LARS2: variants seen among roughly 807,000 people sequenced by gnomAD.
LARS2 encodes leucine--tRNA ligase, mitochondrial.
A neutral mutation model predicts 116.6 loss-of-function variants in LARS2; 81 were observed. That is an observed-to-expected ratio of 0.69 (90% CI 0.58 to 0.84). The LOEUF (loss-of-function observed/expected upper bound fraction) is 0.84. Ranked by LOEUF, LARS2 falls within the 40% of genes least tolerant of loss-of-function variation. The pLI is 0.00. For missense variants in LARS2, 968 were observed against 1,114.5 expected, an observed-to-expected ratio of 0.87 and a Z score of 1.87; for synonymous variants, 396 against 407.2, an observed-to-expected ratio of 0.97 and a Z score of 0.33.
chr3:45,404,488 T>C (rs770183486), intron 4 of LARS2, among the ~76,000 whole-genome samples: 5 of 152,186 alleles, frequency 3.3e-5, no homozygotes, highest in Admixed American at 1.3e-4. Context: ...GTCCCTGAGA[T>C]TGAATAAACT....
intron 6 of LARS2, among the ~76,000 whole-genome samples, chr3:45,436,346 CAAAAAA>C (rs573510833): frequency 7.4e-6 from 1 of 134,540 alleles, no homozygotes; most frequent in Non-Finnish European, 1.6e-5. Flanking sequence ...TTCTTTCTTT[CAAAAAA>C]AAAAAAACAA....
intron 4 of LARS2, among the ~76,000 whole-genome samples, chr3:45,403,507 G>T (rs367974353): frequency 6.6e-4 from 101 of 152,158 alleles, no homozygotes; most frequent in African/African-American, 2.4e-3. Flanking sequence ...TTAGAGACGG[G>T]GTTTCACCAT....
At chr3:45,433,524 A>C (rs4683112) in intron 6 of LARS2, among the ~76,000 whole-genome samples, 129,613 of 152,062 alleles carry the variant, frequency 0.85, 57,355 homozygotes, top group Non-Finnish European at 0.97. Flanking sequence ...CCTTTGCATG[A>C]CTTTACTTAC....
intron 7 of LARS2, among the ~76,000 whole-genome samples, chr3:45,450,720 C>T (rs1699114068): frequency 6.6e-6 from 1 of 152,114 alleles, no homozygotes; most frequent in Non-Finnish European, 1.5e-5. Context: ...ATTTCAATTC[C>T]TTTGGATATA....
chr3:45,486,001 CG>C (rs1472894778), intron 11 of LARS2, among the ~76,000 whole-genome samples: 1 of 51,748 alleles, frequency 1.9e-5, no homozygotes, highest in Non-Finnish European at 6.4e-5. Context: ...GTACTTTGCT[CG>C]TTGCTACTGA....
intron 2 of LARS2, among the ~76,000 whole-genome samples, chr3:45,393,061 G>T (rs1465025772): frequency 6.6e-6 from 1 of 152,126 alleles, no homozygotes; most frequent in Admixed American, 6.5e-5. Flanking sequence ...AACTTCTTCA[G>T]TGAGGTCATT....
In LARS2 at chr3:45,516,277, G is replaced by C; in HGVS notation, c.2044+1G>C. Reference sequence around the variant, plus strand: ...AAGGATATCTTGTGGGATGTGAAAAGTAAGTCACCTTCCTCTTCCTGACTT... The same window carrying C: ...AAGGATATCTTGTGGGATGTGAAAACTAAGTCACCTTCCTCTTCCTGACTT... On this transcript the variant is annotated splice_donor_variant, in intron 17 of 21. Transcript: ENST00000645846. LOFTEE classifies it high-confidence loss of function. The C allele has an allele frequency of 6.2e-7, 1 of 1,611,928 alleles. No homozygotes were observed. The highest frequency in any genetic ancestry group is 8.5e-7 in the Non-Finnish European group (1 of 1,178,716).
chr3:45,456,798 G>C (rs956128312), intron 7 of LARS2, among the ~76,000 whole-genome samples: 1 of 152,156 alleles, frequency 6.6e-6, no homozygotes, highest in African/African-American at 2.4e-5. Context: ...CCCAACTCTA[G>C]ACTTCACATA....
At chr3:45,518,831 T>G (rs772120431) in intron 18 of LARS2, among the ~76,000 whole-genome samples, 2 of 152,176 alleles carry the variant, frequency 1.3e-5, no homozygotes, top group Admixed American at 1.3e-4. Context: ...GGTTTTTGCC[T>G]CTCTGGTTTG....
intron 12 of LARS2, among the ~76,000 whole-genome samples, chr3:45,489,472 C>T (rs568911381): frequency 3.3e-4 from 45 of 136,408 alleles, no homozygotes; most frequent in African/African-American, 1.2e-3. Flanking sequence ...ATTTAGTAGT[C>T]CCAGGTGAGA....
At chr3:45,441,487 G>T (rs1012906958) in intron 6 of LARS2, among the ~76,000 whole-genome samples, 2 of 152,208 alleles carry the variant, frequency 1.3e-5, no homozygotes, top group African/African-American at 4.8e-5. Context: ...CCACAAACTA[G>T]TGAGGATGCG....
chr3:45,418,552 G>A (rs558801102), intron 5 of LARS2, among the ~76,000 whole-genome samples: 6 of 152,294 alleles, frequency 3.9e-5, no homozygotes, highest in South Asian at 4.1e-4. Context: ...GGCAAACTAC[G>A]GCCTGTGGGC....
At chr3:45,392,757 T>C (rs1019081520) in intron 2 of LARS2, among the ~76,000 whole-genome samples, 3 of 152,240 alleles carry the variant, frequency 2.0e-5, no homozygotes, top group Admixed American at 6.5e-5. Flanking sequence ...CTCACTGTTA[T>C]AAGCCTATAT....
intron 15 of LARS2, among the ~76,000 whole-genome samples, chr3:45,505,111 A>G (rs1700180805): frequency 6.6e-6 from 1 of 151,814 alleles, no homozygotes; most frequent in South Asian, 2.1e-4. Flanking sequence ...AGAAAAGAAA[A>G]AGAAATTGAG....
At chr3:45,463,050 G>T (rs571484521) in intron 8 of LARS2, among the ~76,000 whole-genome samples, 1 of 152,198 alleles carries the variant, frequency 6.6e-6, no homozygotes, top group Non-Finnish European at 1.5e-5. Context: ...AGCTGTGTGG[G>T]CGGTGTCTTG....
intron 6 of LARS2, among the ~76,000 whole-genome samples, chr3:45,441,062 G>A (rs1439666367): frequency 1.5e-5 from 2 of 129,266 alleles, no homozygotes; most frequent in Non-Finnish European, 3.1e-5. Context: ...GTCTTGCTCT[G>A]TCGCCCAGGC....
chr3:45,544,465 T>A (rs1333065493), intron 21 of LARS2, among the ~76,000 whole-genome samples: 1 of 152,206 alleles, frequency 6.6e-6, no homozygotes, highest in African/African-American at 2.4e-5. Context: ...TTAGCCTGCT[T>A]CTGGATGCAC....
intron 20 of LARS2, chr3:45,538,502 G>C (rs1700744684): frequency 6.6e-6 from 1 of 152,206 alleles, no homozygotes; most frequent in South Asian, 2.1e-4. Context: ...GATTCCATCT[G>C]AGGAACAAGC....
At chr3:45,400,199 G>A (rs1411223407) in intron 3 of LARS2, 46 bp from the exon 4 acceptor site, 2 of 1,582,550 alleles carry the variant, frequency 1.3e-6, no homozygotes, top group African/African-American at 2.7e-5. Flanking sequence ...TACATGCAGA[G>A]TTCCCAGAAA....
Sources: gnomAD v4.1 joint callset for allele counts (sites outside exome capture counted in the v4.1 genomes callset) on GRCh38, gnomAD v4.1.1 for gene constraint, MANE v1.5 for transcripts, NCBI Gene and HGNC (gene_info 2026-07-23, HGNC 2026-07-21) for gene names.